Variants in CD47 observed in about 807,000 individuals in gnomAD.
The protein encoded by CD47 is leukocyte surface antigen CD47.
Under a neutral mutation model 44.6 loss-of-function variants are expected in CD47, and 11 were observed. The observed-to-expected ratio is 0.25, with a 90% CI of 0.16 to 0.41. CD47 has a LOEUF of 0.41. Ranked by LOEUF, CD47 falls within the 10% of genes least tolerant of loss-of-function variation. The pLI is 1.00. For missense variants in CD47, 306 were observed against 386.7 expected (o/e 0.79, Z 1.75); for synonymous variants, 140 against 136.3 (o/e 1.03, Z -0.19).
chr3:108,057,993 C>G (rs1038684823), intron 6 of CD47, among the ~76,000 whole-genome samples: 3 of 152,132 alleles, frequency 2.0e-5, no homozygotes, highest in African/African-American at 2.4e-5. Flanking sequence ...ATGCTAAATG[C>G]TGTCAAGTAT....
At chr3:108,086,866 T>C (rs992243478) in intron 1 of CD47, among the ~76,000 whole-genome samples, 5 of 152,104 alleles carry the variant, frequency 3.3e-5, no homozygotes, top group Non-Finnish European at 7.4e-5. Context: ...GTCTCCAAGA[T>C]GGTAGAAGTG....
rs1052758333 is a variant in CD47 at position 108,051,672 on chromosome 3, T to C, written c.909+267A>G. On this transcript the variant is annotated intron_variant, in intron 8 of 10. Coordinates refer to ENST00000361309, the MANE Select transcript of CD47 (RefSeq NM_001777.4). ...CTTCCTTCTGATTGCAGAGATAATATAGCCATTATTCCTACTTTCCAGTTT... is the reference window on the plus strand; with the variant it reads ...CTTCCTTCTGATTGCAGAGATAATACAGCCATTATTCCTACTTTCCAGTTT... 4.0e-5 allele frequency: 23 copies of C among 582,074 alleles called. No individual in the cohort carries two copies. In the East Asian group the frequency reaches 7.9e-4, roughly 20 times the overall value. 36.1% of individuals were successfully genotyped at this position (582,074 alleles called of 1,614,324 possible).
intron 1 of CD47, among the ~76,000 whole-genome samples, chr3:108,084,350 C>T (rs2108271519): frequency 6.6e-6 from 1 of 152,118 alleles, no homozygotes; most frequent in East Asian, 1.9e-4. Context: ...CTCTCTTGGC[C>T]TCCATGGTAT....
intron 4 of CD47, among the ~76,000 whole-genome samples, chr3:108,059,979 T>G (rs1171121487): frequency 6.6e-6 from 1 of 152,184 alleles, no homozygotes; most frequent in Non-Finnish European, 1.5e-5. Flanking sequence ...TGCACTGCAT[T>G]CTTCTCCACA....
In CD47 at chr3:108,069,195, T is replaced by C. The variant is rs191205445; in HGVS notation, c.490+1898A>G. On this transcript the variant is annotated intron_variant, in intron 3 of 10. Coordinates refer to ENST00000361309, the MANE Select transcript of CD47 (RefSeq NM_001777.4). ...TAGAGTCTTAAAATATCTCTGCCAA[T>C]TCCAGGCTTCATATCTTTAGCAGAG... Among the ~76,000 whole-genome samples, 37 of 152,310 alleles carry C rather than the reference T, an allele frequency of 2.4e-4. No homozygotes were observed. The East Asian group carries it at 6.2e-3, about 25-fold the overall frequency.
At position 108,088,634 on chromosome 3, in the gene CD47, AC is replaced by A. The variant is rs199902286; in HGVS notation, c.46+2228del. On this transcript the variant is annotated intron_variant, in intron 1 of 10. Coordinates refer to ENST00000361309, the MANE Select transcript of CD47 (RefSeq NM_001777.4). ...TATGTACCCTGATTTAAAAAAAAAA[AC>A]AACTCATTTTGAACAAAGAGGAATC... 6.2e-4 allele frequency among the ~76,000 whole-genome samples: 95 copies of A among 152,004 alleles called. 1 individual carries two copies. The East Asian group carries it at 0.014, about 22-fold the overall frequency.
chr3:108,090,837 A>G, intron 1 of CD47, 26 bp downstream of exon 1: 2 of 1,473,336 alleles, frequency 1.4e-6, no homozygotes, highest in South Asian at 1.3e-5. Flanking sequence ...CAGCAGCCGC[A>G]GGGCTGGGAG....
intron 2 of CD47, among the ~76,000 whole-genome samples, 158 bp from the exon 3 acceptor site, chr3:108,071,340 TAA>T (rs2079198092): frequency 6.6e-6 from 1 of 152,192 alleles, no homozygotes; most frequent in Non-Finnish European, 1.5e-5. Context: ...CACATATACA[TAA>T]AACAAATTAC....
At chr3:108,077,941 G>C (rs539276973) in intron 2 of CD47, among the ~76,000 whole-genome samples, 34 of 152,158 alleles carry the variant, frequency 2.2e-4, no homozygotes, top group Admixed American at 8.5e-4. Flanking sequence ...AAGCATGAGG[G>C]AGATGTTTGT....
At chr3:108,076,508 A>G (rs1277949225) in intron 2 of CD47, among the ~76,000 whole-genome samples, 1 of 152,208 alleles carries the variant, frequency 6.6e-6, no homozygotes, top group East Asian at 1.9e-4. Flanking sequence ...CGGTGGTAAA[A>G]ATACTGGGTT....
intron 1 of CD47, among the ~76,000 whole-genome samples, chr3:108,088,923 C>G (rs2079575233): frequency 6.6e-6 from 1 of 152,148 alleles, no homozygotes; most frequent in African/African-American, 2.4e-5. Context: ...GTAGAGGGTG[C>G]CAGGAAAGGT....
intron 10 of CD47, among the ~76,000 whole-genome samples, chr3:108,049,416 C>T (rs547352333): frequency 3.8e-4 from 58 of 152,264 alleles, no homozygotes; most frequent in African/African-American, 7.2e-4. Flanking sequence ...GAGTCTGATT[C>T]GTGACACCCT....
rs931659998 is a variant in CD47, at chr3:108,045,161, C to G, written c.*2127G>C. 9.8e-5 allele frequency: 15 copies of G among 152,582 alleles called. No homozygotes were observed. Among genetic ancestry groups the G allele is most frequent in the African/African-American group, 3.6e-4 (15 of 41,422 alleles). The allele number at this position is 152,582 out of a possible 1,614,324, so 9.5% of individuals were successfully genotyped here. ...CTAGGGCAGTGAATGCCTCAAAAGG[C>G]AGGCAGCATTAAAGAGAACACAATG... is the stretch of plus-strand genomic sequence containing the variant. On this transcript the variant is annotated 3_prime_UTR_variant, in exon 11 of 11. Coordinates refer to ENST00000361309, the MANE Select transcript of CD47 (RefSeq NM_001777.4).
chr3:108,049,571 G>T, intron 10 of CD47, 48 bp downstream of exon 10: 1 of 1,187,946 alleles, frequency 8.4e-7, no homozygotes, highest in South Asian at 1.2e-5. Flanking sequence ...GTTTTCCAAT[G>T]TCCATGTTTT....
chr3:108,076,909 G>C (rs2079320443), intron 2 of CD47, among the ~76,000 whole-genome samples: 1 of 152,090 alleles, frequency 6.6e-6, no homozygotes. Flanking sequence ...AAGAATTTGA[G>C]GGACAGATAG....
At chr3:108,088,581 G>A (rs1448979044) in intron 1 of CD47, among the ~76,000 whole-genome samples, 1 of 151,142 alleles carries the variant, frequency 6.6e-6, no homozygotes, top group Non-Finnish European at 1.5e-5. Flanking sequence ...ACTAGACTTA[G>A]ACGATGGAAA....
rs747161748 is a variant in CD47, at chr3:108,060,724, C to A, written c.598+21G>T. ...CACTCATCTACCTCCTGCGTTCCTG[C>A]CTAGGAACTGCACATCTTACCTGGG... On this transcript the variant is annotated intron_variant, in intron 4 of 10. Transcript: ENST00000361309. The A allele has an allele frequency of 2.6e-6, 4 of 1,513,656 alleles. No individual in the cohort carries two copies. The Admixed American group carries it at 5.0e-5, about 19-fold the overall frequency. 93.8% of individuals were successfully genotyped at this position (1,513,656 alleles called of 1,614,324 possible).
At position 108,060,762 on chromosome 3, in the gene CD47, G is replaced by A. The variant is rs186442801; in HGVS notation, c.581C>T (p.Ala194Val). 1 of 1,612,448 alleles carries A rather than the reference G, an allele frequency of 6.2e-7. No homozygotes were observed. Among genetic ancestry groups the A allele is most frequent in the African/African-American group, 1.3e-5 (1 of 74,964 alleles). Residue 194 changes from alanine (A) to valine (V), a missense_variant, in exon 4 of 11, where the codon GCC (alanine) becomes GTC (valine). Coordinates refer to ENST00000361309, the MANE Select transcript of CD47 (RefSeq NM_001777.4). ...CATCTTACCTGGGACGAAAAGAATG[G>A]CTCCAACAATGACAATGACAGTGAT... ...LVITVIVIVG[A>V]ILFVPGEYSL...
chr3:108,071,212 T>C (rs770729241), intron 2 of CD47, 30 bp from the exon 3 acceptor site: 2 of 973,124 alleles, frequency 2.1e-6, no homozygotes, highest in Non-Finnish European at 3.1e-6. Context: ...AAGTCACAAT[T>C]AATATTTACT....
Sources: gnomAD v4.1 joint callset for allele counts (sites outside exome capture counted in the v4.1 genomes callset) on GRCh38, gnomAD v4.1.1 for gene constraint, MANE v1.5 for transcripts, NCBI Gene and HGNC (gene_info 2026-07-23, HGNC 2026-07-21) for gene names.